Variants in DCDC1 observed in about 807,000 individuals in gnomAD.
DCDC1 encodes the protein doublecortin domain-containing protein 1.
Under a neutral mutation model 178.3 loss-of-function variants are expected in DCDC1, and 200 were observed. The observed-to-expected ratio is 1.12, with a 90% CI of 1.00 to 1.26. The LOEUF (loss-of-function observed/expected upper bound fraction) is 1.26. DCDC1 is among the 50% of genes most tolerant of loss of function. DCDC1 has a pLI of 0.00. For missense variants in DCDC1, 1,983 were observed against 1,749.2 expected (o/e 1.13, Z -2.38); for synonymous variants, 690 against 604.8 (o/e 1.14, Z -2.07).
chr11:31,091,393 C>T lies in DCDC1; in HGVS notation c.2237G>A (p.Arg746Lys). The change falls in exon 17 of 39, where the codon AGA (arginine) becomes AAA (lysine). Residue 746 changes from arginine (R) to lysine (K), a missense_variant and splice_region_variant. Transcript: ENST00000684477. ...LEGYKLILQKRHSGDDSQKWV... is the reference protein window; with the variant it reads ...LEGYKLILQKKHSGDDSQKWV... ...GAGCTAAATAATTTATAAGCATTAC[C>T]TTTTCTGTAAGATTAATTTATATCC... is the stretch of plus-strand genomic sequence containing the variant. The T allele has an allele frequency of 1.4e-6, 1 of 733,686 alleles. No homozygotes were observed. The allele number at this position is 733,686 out of a possible 1,614,324, so 45.4% of individuals were successfully genotyped here.
intron 9 of DCDC1, among the ~76,000 whole-genome samples, chr11:31,202,530 C>CAAG (rs1272692694): frequency 6.6e-6 from 1 of 152,176 alleles, no homozygotes; most frequent in African/African-American, 2.4e-5. Context: ...AAGATTGCGC[C>CAAG]ATTACACACC....
chr11:31,084,513 T>A (rs1188075506), intron 17 of DCDC1, among the ~76,000 whole-genome samples: 5 of 152,160 alleles, frequency 3.3e-5, no homozygotes, highest in Non-Finnish European at 7.3e-5. Flanking sequence ...TATAACTTCA[T>A]AGTCAGTGAG....
At chr11:31,136,799 T>C (rs372568785) in intron 10 of DCDC1, among the ~76,000 whole-genome samples, 2 of 152,252 alleles carry the variant, frequency 1.3e-5, no homozygotes, top group South Asian at 2.1e-4. Context: ...TTTGTATTAT[T>C]TCATTTATGG....
At chr11:31,111,215 T>G (rs1012575845) in intron 11 of DCDC1, among the ~76,000 whole-genome samples, 2 of 151,940 alleles carry the variant, frequency 1.3e-5, no homozygotes, top group Non-Finnish European at 2.9e-5. Context: ...GATATGCCCA[T>G]CACATCAGCA....
At chr11:31,040,870 C>G (rs187904663) in intron 20 of DCDC1, among the ~76,000 whole-genome samples, 1 of 152,272 alleles carries the variant, frequency 6.6e-6, no homozygotes, top group East Asian at 1.9e-4. Flanking sequence ...TCAATAGCAT[C>G]AATAAGTTGC....
At chr11:30,985,049 T>C (rs1360748859) in intron 20 of DCDC1, among the ~76,000 whole-genome samples, 2 of 152,184 alleles carry the variant, frequency 1.3e-5, no homozygotes, top group Non-Finnish European at 2.9e-5. Flanking sequence ...AACAATTCTT[T>C]CCTTGTGAAT....
chr11:31,232,914 A>G (rs1158425590), intron 9 of DCDC1, among the ~76,000 whole-genome samples: 2 of 151,554 alleles, frequency 1.3e-5, no homozygotes, highest in East Asian at 3.9e-4. Flanking sequence ...TATGGTGAAA[A>G]CCCATCTCTA....
At chr11:30,871,316 A>G (rs1195292937) in intron 38 of DCDC1, among the ~76,000 whole-genome samples, 1 of 152,146 alleles carries the variant, frequency 6.6e-6, no homozygotes, top group Non-Finnish European at 1.5e-5. Flanking sequence ...ATGGCAGACT[A>G]CTGGGGTGGC....
chr11:31,130,029 T>C (rs1194990598), intron 10 of DCDC1, among the ~76,000 whole-genome samples: 1 of 152,144 alleles, frequency 6.6e-6, no homozygotes, highest in East Asian at 1.9e-4. Flanking sequence ...CCCAACACTC[T>C]GATCCCACAA....
intron 7 of DCDC1, among the ~76,000 whole-genome samples, chr11:31,279,754 G>A (rs1304293217): frequency 6.6e-6 from 1 of 152,054 alleles, no homozygotes; most frequent in African/African-American, 2.4e-5. Context: ...GGGGCTAGGC[G>A]AGGGATAACA....
chr11:31,141,646 A>T (rs1963842568), intron 9 of DCDC1, among the ~76,000 whole-genome samples: 1 of 152,236 alleles, frequency 6.6e-6, no homozygotes, highest in Non-Finnish European at 1.5e-5. Flanking sequence ...TAGCAGAAAC[A>T]ACATGATAAT....
chr11:30,939,164 C>T (rs1413336099), intron 21 of DCDC1, among the ~76,000 whole-genome samples: 1 of 152,158 alleles, frequency 6.6e-6, no homozygotes, highest in East Asian at 1.9e-4. Flanking sequence ...CACGAGGTTG[C>T]CTGGTTGCCG....
chr11:31,096,837 A>G lies in DCDC1; in HGVS notation c.1984-2653T>C, dbSNP rs528253163. On this transcript the variant is annotated intron_variant, in intron 15 of 38. Coordinates refer to ENST00000684477, the MANE Select transcript of DCDC1 (RefSeq NM_001387274.1). ...TTAGACCAAACGAGGGTGGGAAGTT[A>G]AGGACTATGAAAGTTGGGATTTAAG... 2.0e-5 allele frequency among the ~76,000 whole-genome samples: 3 copies of G among 152,292 alleles called. No homozygotes were observed. In the South Asian group the frequency reaches 6.2e-4, roughly 32 times the overall value.
chr11:30,936,902 G>A (rs1025169275), intron 21 of DCDC1, among the ~76,000 whole-genome samples: 12 of 152,048 alleles, frequency 7.9e-5, no homozygotes, highest in African/African-American at 2.7e-4. Flanking sequence ...CCCTTAAATA[G>A]CAATGGGATA....
At chr11:31,343,797 G>A (rs1238964969) in intron 1 of DCDC1, among the ~76,000 whole-genome samples, 1 of 152,064 alleles carries the variant, frequency 6.6e-6, no homozygotes, top group African/African-American at 2.4e-5. Context: ...GCAGATGCCG[G>A]TAATCCCAGC....
At chr11:31,022,443 T>C (rs1189848137) in intron 20 of DCDC1, among the ~76,000 whole-genome samples, 4 of 152,104 alleles carry the variant, frequency 2.6e-5, no homozygotes, top group Non-Finnish European at 5.9e-5. Context: ...CTTAAATTGA[T>C]TATATCTGCA....
intron 17 of DCDC1, among the ~76,000 whole-genome samples, chr11:31,086,576 T>C (rs1447843120): frequency 6.6e-6 from 1 of 152,208 alleles, no homozygotes; most frequent in Non-Finnish European, 1.5e-5. Context: ...TCGATTTTTA[T>C]TTTTGTGGAT....
rs763286233 is a variant in DCDC1 at position 30,894,401 on chromosome 11, C to G, written c.4766-17G>C. Reference sequence around the variant, plus strand: ...CTCGCCGCCCTGAGGAAACAAGTCTCTAGAAATTTTGTTTCTGATGATAGG... The same window carrying G: ...CTCGCCGCCCTGAGGAAACAAGTCTGTAGAAATTTTGTTTCTGATGATAGG... On this transcript the variant is annotated splice_polypyrimidine_tract_variant and intron_variant, in intron 34 of 38. Coordinates refer to ENST00000684477, the MANE Select transcript of DCDC1 (RefSeq NM_001387274.1). 14 of 1,603,458 alleles carry G rather than the reference C, an allele frequency of 8.7e-6. No homozygotes were observed. The highest frequency in any genetic ancestry group is 1.2e-5 in the Non-Finnish European group (14 of 1,176,982).
chr11:31,167,773 C>T (rs1040766544), intron 9 of DCDC1, among the ~76,000 whole-genome samples: 2 of 152,172 alleles, frequency 1.3e-5, no homozygotes, highest in Non-Finnish European at 1.5e-5. Flanking sequence ...GTCCTGTCTT[C>T]TCATAAGAAA....
Sources: gnomAD v4.1 joint callset for allele counts (sites outside exome capture counted in the v4.1 genomes callset) on GRCh38, gnomAD v4.1.1 for gene constraint, MANE v1.5 for transcripts, NCBI Gene and HGNC (gene_info 2026-07-23, HGNC 2026-07-21) for gene names.